The following CEP85L variants were observed in gnomAD, a reference collection of about 807,000 sequenced individuals.
The protein encoded by CEP85L is centrosomal protein 85L.
CEP85L carries 60 observed loss-of-function variants against 100.3 expected under a neutral mutation model. The observed-to-expected ratio is 0.60, with a 90% CI of 0.49 to 0.74. The LOEUF is 0.74. CEP85L is among the 30% of genes least tolerant of loss of function. The probability of loss-of-function intolerance (pLI) is 0.00; values close to 1 mark genes in which losing one functional copy is unlikely to be tolerated. For missense variants in CEP85L, 973 were observed against 936.2 expected (o/e 1.04, Z -0.51); for synonymous variants, 319 against 322.7 (o/e 0.99, Z 0.12).
At chr6:118,633,457 G>A (rs965709667) in intron 1 of CEP85L, among the ~76,000 whole-genome samples, 6 of 152,062 alleles carry the variant, frequency 3.9e-5, no homozygotes, top group Admixed American at 1.3e-4. Flanking sequence ...ACCCGCCTCC[G>A]CCTCCCAAAG....
At chr6:118,511,053 C>G (rs1775936278) in intron 5 of CEP85L, among the ~76,000 whole-genome samples, 1 of 152,026 alleles carries the variant, frequency 6.6e-6, no homozygotes, top group South Asian at 2.1e-4. Flanking sequence ...TTGTGATATG[C>G]ATCAACTCTG....
chr6:118,610,996 G>A (rs1365050055), intron 2 of CEP85L, among the ~76,000 whole-genome samples: 4 of 152,072 alleles, frequency 2.6e-5, no homozygotes, highest in Admixed American at 6.5e-5. Flanking sequence ...ATTTGTCATT[G>A]GAGATCTAAA....
intron 3 of CEP85L, among the ~76,000 whole-genome samples, chr6:118,552,140 T>C (rs372273136): frequency 6.6e-6 from 1 of 152,120 alleles, no homozygotes. Context: ...GCCTTAGATA[T>C]TACTTGAATT....
intron 1 of CEP85L, among the ~76,000 whole-genome samples, chr6:118,703,473 G>A (rs1777493821): frequency 6.6e-6 from 1 of 152,146 alleles, no homozygotes; most frequent in Non-Finnish European, 1.5e-5. Context: ...CCAAAGTGCT[G>A]GAACTACAGG....
rs746395715 is a variant in CEP85L at position 118,623,404 on chromosome 6, T to C, written c.232+9049A>G. Among the ~76,000 whole-genome samples the C allele has an allele frequency of 2.9e-4, 44 of 152,212 alleles. 1 individual carries two copies. Among genetic ancestry groups the C allele is most frequent in the African/African-American group, 9.4e-4 (39 of 41,450 alleles). ...GAAGGCCCAAGAAGTAGTTAAAATCTTACTTCATGAAATAATTCCTATATT... is the reference window on the plus strand; with the variant it reads ...GAAGGCCCAAGAAGTAGTTAAAATCCTACTTCATGAAATAATTCCTATATT... On this transcript the variant is annotated intron_variant, in intron 2 of 12. Transcript: ENST00000368491.
intron 5 of CEP85L, among the ~76,000 whole-genome samples, chr6:118,500,070 G>A (rs1186012845): frequency 1.3e-5 from 2 of 152,168 alleles, no homozygotes; most frequent in Non-Finnish European, 2.9e-5. Flanking sequence ...GAAGGCCAAG[G>A]CAGGAGGATC....
chr6:118,514,802 AT>A (rs112758932), intron 4 of CEP85L, among the ~76,000 whole-genome samples: 149 of 147,022 alleles, frequency 1.0e-3, no homozygotes, highest in Middle Eastern at 7.1e-3. Context: ...GTAGAAGCAG[AT>A]TTTTTTTTTT....
chr6:118,531,037 T>G (rs1777261936), intron 3 of CEP85L, among the ~76,000 whole-genome samples: 1 of 152,120 alleles, frequency 6.6e-6, no homozygotes. Context: ...AAAAACAGCC[T>G]GAATAGCCTA....
At chr6:118,512,675 C>T (rs185850127) in intron 4 of CEP85L, among the ~76,000 whole-genome samples, 317 of 152,038 alleles carry the variant, frequency 2.1e-3, no homozygotes, top group Non-Finnish European at 3.4e-3. Flanking sequence ...GGCTGAGAAA[C>T]CCAGGGTTTG....
intron 5 of CEP85L, among the ~76,000 whole-genome samples, chr6:118,506,055 A>T (rs1364279406): frequency 6.6e-6 from 1 of 152,244 alleles, no homozygotes; most frequent in Non-Finnish European, 1.5e-5. Context: ...TGCTCTAAAA[A>T]GTAAAGTTAA....
At chr6:118,519,432 C>CTGTG (rs546998242) in intron 4 of CEP85L, among the ~76,000 whole-genome samples, 1,693 of 23,804 alleles carry the variant, frequency 0.071, 264 homozygotes, top group East Asian at 0.15. Flanking sequence ...GAGCAAAACT[C>CTGTG]TGTGTGTGTG....
intron 1 of CEP85L, among the ~76,000 whole-genome samples, chr6:118,705,379 A>G (rs1777563275): frequency 6.6e-6 from 1 of 152,202 alleles, no homozygotes; most frequent in African/African-American, 2.4e-5. Flanking sequence ...CAATTTGCAG[A>G]AGGGAGGAAG....
intron 1 of CEP85L, among the ~76,000 whole-genome samples, chr6:118,650,064 C>A (rs1194351065): frequency 1.3e-5 from 2 of 152,130 alleles, no homozygotes; most frequent in African/African-American, 4.8e-5. Context: ...CCAAATGCTG[C>A]TTCTGCTTTT....
At position 118,504,065 on chromosome 6, in the gene CEP85L, C is replaced by G. The variant is rs142403284; in HGVS notation, c.1257+7233G>C. Among the ~76,000 whole-genome samples the G allele has an allele frequency of 4.0e-3, 615 of 152,094 alleles. 4 individuals carry two copies. The highest frequency in any genetic ancestry group is 0.013 in the African/African-American group (538 of 41,496). On this transcript the variant is annotated intron_variant, in intron 5 of 12. Coordinates refer to ENST00000368491, the MANE Select transcript of CEP85L (RefSeq NM_001042475.3). ...TCTAAAAACAAACAAACAAAAAAAA[C>G]CTGTTATCCAAAATGTACAAATAAT...
intron 2 of CEP85L, among the ~76,000 whole-genome samples, chr6:118,578,284 AACAG>A (rs1181073031): frequency 1.3e-5 from 2 of 152,202 alleles, no homozygotes; most frequent in Non-Finnish European, 2.9e-5. Context: ...CCACCTTAGC[AACAG>A]ACAGTCTCTC....
intron 2 of CEP85L, among the ~76,000 whole-genome samples, chr6:118,570,788 T>C (rs1779841703): frequency 1.3e-5 from 2 of 152,136 alleles, no homozygotes; most frequent in Non-Finnish European, 2.9e-5. Flanking sequence ...GCTTTAAGCT[T>C]AAATATCCCA....
At chr6:118,705,681 G>A (rs1777571620) in intron 1 of CEP85L, among the ~76,000 whole-genome samples, 1 of 152,210 alleles carries the variant, frequency 6.6e-6, no homozygotes, top group Non-Finnish European at 1.5e-5. Flanking sequence ...ACATCAATCT[G>A]ACATGGCACT....
intron 3 of CEP85L, among the ~76,000 whole-genome samples, chr6:118,552,741 A>T (rs1032082397): frequency 6.6e-6 from 1 of 152,050 alleles, no homozygotes; most frequent in African/African-American, 2.4e-5. Context: ...AAAGAATAGT[A>T]AAGAATTCTT....
intron 2 of CEP85L, among the ~76,000 whole-genome samples, chr6:118,597,901 T>C (rs1345290604): frequency 6.6e-6 from 1 of 152,218 alleles, no homozygotes; most frequent in Non-Finnish European, 1.5e-5. Context: ...GGAAGGCTAG[T>C]TCCTGACTGG....
Sources: allele counts gnomAD v4.1 joint callset (sites outside exome capture counted in the v4.1 genomes callset), GRCh38; gene constraint gnomAD v4.1.1; transcripts MANE v1.5; gene names NCBI Gene and HGNC (gene_info 2026-07-23, HGNC 2026-07-21).